Variants in NRG3 observed in about 807,000 individuals in gnomAD.
NRG3 encodes the protein neuregulin 3.
NRG3 carries 31 observed loss-of-function variants against 66.9 expected under a neutral mutation model. The ratio of observed to expected loss-of-function variants is 0.46; its 90% confidence interval spans 0.35 to 0.63. NRG3 has a LOEUF of 0.63. Ranked by LOEUF, NRG3 falls within the 20% of genes least tolerant of loss-of-function variation. NRG3 has a pLI of 0.00. For missense variants in NRG3, 910 were observed against 878.9 expected (o/e 1.04, Z -0.45); for synonymous variants, 393 against 359.4 (o/e 1.09, Z -1.06).
chr10:82,739,078 AAG>A (rs747798883), intron 3 of NRG3, among the ~76,000 whole-genome samples: 2 of 152,238 alleles, frequency 1.3e-5, no homozygotes, highest in African/African-American at 2.4e-5. Context: ...TTACTAAAGT[AAG>A]AAAACGTGTA....
intron 1 of NRG3, among the ~76,000 whole-genome samples, chr10:82,000,280 G>T (rs918182820): frequency 6.6e-6 from 1 of 152,022 alleles, no homozygotes; most frequent in African/African-American, 2.4e-5. Flanking sequence ...TGAAGTAGCC[G>T]TTCTTATGTC....
At chr10:82,240,023 T>C (rs921442415) in intron 1 of NRG3, among the ~76,000 whole-genome samples, 1 of 152,188 alleles carries the variant, frequency 6.6e-6, no homozygotes, top group Admixed American at 6.5e-5. Flanking sequence ...ATTTTATGCC[T>C]GTTTTGAATC....
chr10:81,900,407 A>C (rs1564642464), intron 1 of NRG3, among the ~76,000 whole-genome samples: 1 of 152,250 alleles, frequency 6.6e-6, no homozygotes, highest in Non-Finnish European at 1.5e-5. Flanking sequence ...AAATTACTCC[A>C]GAAATTAAGC....
At chr10:82,435,331 C>T (rs1411999701) in intron 2 of NRG3, among the ~76,000 whole-genome samples, 1 of 151,938 alleles carries the variant, frequency 6.6e-6, no homozygotes, top group Non-Finnish European at 1.5e-5. Flanking sequence ...TGATGCTTCT[C>T]TCTTCTTCTT....
intron 1 of NRG3, among the ~76,000 whole-genome samples, chr10:81,998,132 A>C (rs1003123437): frequency 2.0e-5 from 3 of 152,144 alleles, no homozygotes; most frequent in African/African-American, 7.2e-5. Flanking sequence ...GACAGTTGCA[A>C]GGATATTTTC....
chr10:82,675,880 C>A (rs988357840), intron 2 of NRG3, among the ~76,000 whole-genome samples: 1 of 152,140 alleles, frequency 6.6e-6, no homozygotes, highest in South Asian at 2.1e-4. Flanking sequence ...TACAAATAAG[C>A]ACAGATCATA....
At chr10:82,747,976 T>A (rs2058711332) in intron 3 of NRG3, among the ~76,000 whole-genome samples, 2 of 151,534 alleles carry the variant, frequency 1.3e-5, no homozygotes, top group Admixed American at 1.3e-4. Flanking sequence ...AGTAATATGT[T>A]TAAAAACACA....
intron 3 of NRG3, among the ~76,000 whole-genome samples, chr10:82,764,366 C>T (rs1428304726): frequency 7.1e-6 from 1 of 141,260 alleles, no homozygotes; most frequent in Non-Finnish European, 1.5e-5. Flanking sequence ...CCACATTGCC[C>T]TATGCAAATT....
intron 1 of NRG3, among the ~76,000 whole-genome samples, chr10:82,266,490 G>T (rs1031451021): frequency 2.0e-5 from 3 of 152,148 alleles, no homozygotes; most frequent in Non-Finnish European, 4.4e-5. Flanking sequence ...ACTGAGTCAG[G>T]ACTGAGATTC....
At chr10:82,359,697 A>G (rs1823152238) in intron 2 of NRG3, among the ~76,000 whole-genome samples, 1 of 152,144 alleles carries the variant, frequency 6.6e-6, no homozygotes. Context: ...TGCATCAGTG[A>G]TCATATATAT....
chr10:82,419,078 G>A (rs1409634421), intron 2 of NRG3, among the ~76,000 whole-genome samples: 2 of 152,034 alleles, frequency 1.3e-5, no homozygotes, highest in Non-Finnish European at 1.5e-5. Context: ...AACCAAGAGC[G>A]CTACTGATGT....
At chr10:82,520,069 A>G (rs1397633820) in intron 2 of NRG3, among the ~76,000 whole-genome samples, 1 of 151,616 alleles carries the variant, frequency 6.6e-6, no homozygotes, top group Admixed American at 6.6e-5. Context: ...TTCCTGTGCT[A>G]TGGGGGTAAG....
intron 2 of NRG3, among the ~76,000 whole-genome samples, chr10:82,410,450 C>CATAT (rs3068948): frequency 1.4e-5 from 2 of 145,754 alleles, no homozygotes; most frequent in African/African-American, 5.0e-5. Context: ...TCCATATATA[C>CATAT]ATATATATAT....
At chr10:82,685,051 G>C (rs541595877) in intron 2 of NRG3, among the ~76,000 whole-genome samples, 1 of 152,094 alleles carries the variant, frequency 6.6e-6, no homozygotes, top group African/African-American at 2.4e-5. Context: ...AAGTAAGAAG[G>C]CCTTAGTTTT....
intron 4 of NRG3, among the ~76,000 whole-genome samples, chr10:82,919,210 C>T (rs1158703199): frequency 6.6e-6 from 1 of 151,978 alleles, no homozygotes; most frequent in African/African-American, 2.4e-5. Context: ...GAGAACCTAC[C>T]ACTGTCTTTC....
intron 1 of NRG3, among the ~76,000 whole-genome samples, chr10:82,173,267 TAA>T (rs1179783122): frequency 6.0e-5 from 9 of 150,008 alleles, no homozygotes; most frequent in Non-Finnish European, 5.9e-5. Context: ...CCAGATACAT[TAA>T]GTTTTTTTTT....
intron 2 of NRG3, among the ~76,000 whole-genome samples, chr10:82,597,816 G>A (rs2047376335): frequency 6.6e-6 from 1 of 151,928 alleles, no homozygotes; most frequent in African/African-American, 2.4e-5. Context: ...AGCTACTAGG[G>A]AGGCCGAGGC....
chr10:82,550,011 A>T (rs765477152), intron 2 of NRG3, among the ~76,000 whole-genome samples: 6 of 152,136 alleles, frequency 3.9e-5, no homozygotes, highest in Admixed American at 6.6e-5. Context: ...TGGAGGCAGC[A>T]AAACATATTT....
chr10:82,873,345 T>C (rs1030246302), intron 4 of NRG3, among the ~76,000 whole-genome samples: 5 of 152,180 alleles, frequency 3.3e-5, no homozygotes, highest in African/African-American at 1.2e-4. Flanking sequence ...TTAACCTCAT[T>C]CATTCATTCA....
Sources: allele counts gnomAD v4.1 joint callset (sites outside exome capture counted in the v4.1 genomes callset), GRCh38; gene constraint gnomAD v4.1.1; transcripts MANE v1.5; gene names NCBI Gene and HGNC (gene_info 2026-07-23, HGNC 2026-07-21).